Variants in RBFOX1 observed in about 807,000 individuals in gnomAD.
RBFOX1 encodes the protein RNA binding protein fox-1 homolog 1.
Under a neutral mutation model 57.7 loss-of-function variants are expected in RBFOX1, and 8 were observed. The ratio of observed to expected loss-of-function variants is 0.14; its 90% CI spans 0.08 to 0.25. The LOEUF is 0.25. Among genes scored for constraint, RBFOX1 ranks in the 10% least tolerant of loss-of-function variants. The pLI, the probability that RBFOX1 is intolerant of heterozygous loss-of-function variation, is 1.00. For missense variants in RBFOX1, 611 were observed against 548.5 expected (o/e 1.11, Z -1.14); for synonymous variants, 326 against 222.4 (o/e 1.47, Z -4.15).
At chr16:7,333,550 C>G (rs977807490) in intron 4 of RBFOX1, among the ~76,000 whole-genome samples, 14 of 152,172 alleles carry the variant, frequency 9.2e-5, no homozygotes, top group South Asian at 2.1e-4. Context: ...AGAGAAGGCT[C>G]TCCCCACCTG....
chr16:6,932,559 T>C (rs1264725977), intron 3 of RBFOX1, among the ~76,000 whole-genome samples: 1 of 152,116 alleles, frequency 6.6e-6, no homozygotes. Flanking sequence ...GGTAGGTGAG[T>C]TAGTGCTGGC....
At chr16:6,117,460 T>C (rs1163086210) in intron 1 of RBFOX1, among the ~76,000 whole-genome samples, 3 of 152,242 alleles carry the variant, frequency 2.0e-5, no homozygotes, top group Admixed American at 6.5e-5. Flanking sequence ...GTGTTGCCGA[T>C]GTGATAGGAT....
chr16:7,046,867 A>T (rs1002330981), intron 3 of RBFOX1, among the ~76,000 whole-genome samples: 11 of 151,890 alleles, frequency 7.2e-5, no homozygotes, highest in Admixed American at 7.2e-4. Flanking sequence ...CGGTCTTTCA[A>T]AGTTCTGGAA....
At chr16:5,251,242 C>T (rs185917239) in intron 1 of RBFOX1, among the ~76,000 whole-genome samples, 104 of 152,354 alleles carry the variant, frequency 6.8e-4, no homozygotes, top group African/African-American at 2.3e-3. Context: ...ATCTCGAGGC[C>T]TGCCTTTGCC....
intron 3 of RBFOX1, among the ~76,000 whole-genome samples, chr16:5,637,843 C>G (rs185075155): frequency 6.6e-6 from 1 of 152,252 alleles, no homozygotes; most frequent in African/African-American, 2.4e-5. Flanking sequence ...ACTCTGGATT[C>G]CAGGGGCCTC....
At chr16:5,796,752 G>C (rs1247481709) in intron 3 of RBFOX1, among the ~76,000 whole-genome samples, 1 of 152,232 alleles carries the variant, frequency 6.6e-6, no homozygotes, top group Non-Finnish European at 1.5e-5. Context: ...GCTAGAAGGA[G>C]ACAATGCTAA....
intron 1 of RBFOX1, among the ~76,000 whole-genome samples, chr16:6,062,634 T>TACATATAATATATAACATAA (rs1235043881): frequency 1.9e-4 from 28 of 148,112 alleles, no homozygotes; most frequent in African/African-American, 6.4e-4. Context: ...ATATAACATA[T>TACATATAATATATAACATAA]ACATATATAC....
At position 5,611,758 on chromosome 16, in the gene RBFOX1, C is replaced by T. The variant is rs1195441563; in HGVS notation, c.318+12797C>T. Among the ~76,000 whole-genome samples the T allele has an allele frequency of 1.2e-4, 16 of 132,788 alleles. No individual in the cohort carries two copies. The East Asian group carries it at 3.5e-3, about 29-fold the overall frequency. The allele number at this position is 132,788 out of a possible 152,430, so 87.1% of individuals were successfully genotyped here. ...TCCATCCATCCATCCATTCACCCTT[C>T]TTTTCAGTCTCCCATCCATCCATCC... On this transcript the variant is annotated intron_variant, in intron 3 of 19. Transcript: ENST00000641259.
intron 4 of RBFOX1, among the ~76,000 whole-genome samples, chr16:6,010,799 C>G (rs1032858141): frequency 1.3e-5 from 2 of 152,150 alleles, no homozygotes; most frequent in East Asian, 1.9e-4. Flanking sequence ...TTATATTGCC[C>G]TCATATTATC....
chr16:6,438,146 A>G (rs930042449), intron 2 of RBFOX1, among the ~76,000 whole-genome samples: 2 of 152,224 alleles, frequency 1.3e-5, no homozygotes, highest in Non-Finnish European at 2.9e-5. Context: ...TGTCTTTTGT[A>G]AACCGAAGTT....
At chr16:7,018,516 T>C (rs1018735073) in intron 3 of RBFOX1, among the ~76,000 whole-genome samples, 4 of 152,226 alleles carry the variant, frequency 2.6e-5, no homozygotes, top group African/African-American at 9.6e-5. Flanking sequence ...TTTGCTATTG[T>C]GATTAGTGCC....
intron 3 of RBFOX1, among the ~76,000 whole-genome samples, chr16:6,859,029 T>C (rs1016664095): frequency 1.3e-5 from 2 of 149,928 alleles, no homozygotes; most frequent in African/African-American, 4.9e-5. Context: ...TGTTTATGTA[T>C]AAGTGCCAGG....
chr16:7,573,211 G>T (rs2092970780), intron 5 of RBFOX1, among the ~76,000 whole-genome samples: 1 of 151,884 alleles, frequency 6.6e-6, no homozygotes, highest in Non-Finnish European at 1.5e-5. Context: ...CCAGGCAAAG[G>T]GCAGAATGAA....
chr16:6,417,616 C>T (rs1040715690), intron 2 of RBFOX1, among the ~76,000 whole-genome samples: 4 of 150,422 alleles, frequency 2.7e-5, no homozygotes, highest in African/African-American at 4.9e-5. Flanking sequence ...TCTTGAACTC[C>T]TGACCTCAGG....
intron 3 of RBFOX1, among the ~76,000 whole-genome samples, chr16:6,886,993 A>G (rs945466876): frequency 2.0e-5 from 3 of 152,254 alleles, no homozygotes; most frequent in Non-Finnish European, 4.4e-5. Context: ...CTTGTTCATG[A>G]TAATTTTTTC....
intron 3 of RBFOX1, among the ~76,000 whole-genome samples, chr16:6,945,088 C>T (rs187315021): frequency 2.0e-5 from 3 of 152,200 alleles, no homozygotes; most frequent in East Asian, 3.9e-4. Flanking sequence ...GAGCAGGGGC[C>T]AGCTCTGCAC....
intron 3 of RBFOX1, among the ~76,000 whole-genome samples, chr16:6,864,727 TAGA>T (rs1347671999): frequency 6.6e-6 from 1 of 152,086 alleles, no homozygotes; most frequent in African/African-American, 2.4e-5. Context: ...AGTTGCTTCC[TAGA>T]AGATGTTGCT....
chr16:6,836,160 G>A (rs548291775), intron 3 of RBFOX1, among the ~76,000 whole-genome samples: 4 of 152,158 alleles, frequency 2.6e-5, no homozygotes, highest in South Asian at 2.1e-4. Flanking sequence ...CCATTAATAC[G>A]TCACCGGGTA....
intron 4 of RBFOX1, among the ~76,000 whole-genome samples, chr16:7,083,327 G>A (rs899497731): frequency 1.3e-5 from 2 of 151,874 alleles, no homozygotes; most frequent in Non-Finnish European, 2.9e-5. Flanking sequence ...TCCATCTTAG[G>A]GCGAATCTCA....
Sources: gnomAD v4.1 joint callset for allele counts (sites outside exome capture counted in the v4.1 genomes callset) on GRCh38, gnomAD v4.1.1 for gene constraint, MANE v1.5 for transcripts, NCBI Gene and HGNC (gene_info 2026-07-23, HGNC 2026-07-21) for gene names.